Variants in DEFB1 observed in about 807,000 individuals in gnomAD.
DEFB1 encodes the protein beta-defensin 1.
In DEFB1, 4 loss-of-function variants were observed where a neutral mutation model predicts 2.6. The observed-to-expected ratio is 1.53, with a 90% CI of 0.76 to 3.51. The LOEUF is 3.51. Ranked by LOEUF, DEFB1 falls within the 30% of genes most tolerant of loss-of-function variation. The probability of loss-of-function intolerance (pLI) is 0.01; values close to 1 mark genes in which losing one functional copy is unlikely to be tolerated. For synonymous variants in DEFB1, 56 were observed against 28.5 expected (o/e 1.96, Z -3.07); for missense variants, 162 against 76.9 (o/e 2.11, Z -4.14).
At chr8:6,871,236 C>A (rs1362054323) in intron 1 of DEFB1, among the ~76,000 whole-genome samples, 1 of 152,240 alleles carries the variant, frequency 6.6e-6, no homozygotes, top group Non-Finnish European at 1.5e-5. Flanking sequence ...TCCTTCCATG[C>A]CTTCAGTTAC....
chr8:6,877,072 C>T (rs1045022904), intron 1 of DEFB1, among the ~76,000 whole-genome samples: 10 of 152,106 alleles, frequency 6.6e-5, no homozygotes, highest in African/African-American at 2.4e-4. Context: ...CTTCCCAGCC[C>T]CTCATTCTGC....
At chr8:6,870,906 A>G (rs766614195) in intron 1 of DEFB1, 80 bp from the exon 2 acceptor site, 6 of 1,442,798 alleles carry the variant, frequency 4.2e-6, no homozygotes, top group Non-Finnish European at 5.6e-6. Context: ...AAAGCAGAAC[A>G]AATAACTGCA....
intron 1 of DEFB1, among the ~76,000 whole-genome samples, chr8:6,873,060 G>A (rs1186593745): frequency 6.6e-6 from 1 of 152,190 alleles, no homozygotes; most frequent in Non-Finnish European, 1.5e-5. Context: ...TAATCAAATG[G>A]TTGGGTGTAT....
chr8:6,875,489 C>T (rs1806489869), intron 1 of DEFB1, among the ~76,000 whole-genome samples: 1 of 152,096 alleles, frequency 6.6e-6, no homozygotes, highest in Non-Finnish European at 1.5e-5. Context: ...AAAAATAACC[C>T]AGTTGCCTGT....
chr8:6,872,213 A>G (rs751350722), intron 1 of DEFB1, among the ~76,000 whole-genome samples: 1 of 152,018 alleles, frequency 6.6e-6, no homozygotes, highest in East Asian at 2.0e-4. Context: ...AGTCCCTTCA[A>G]TGTGTTCCGC....
chr8:6,870,680 C>G lies in DEFB1; in HGVS notation c.*1G>C. The G allele has an allele frequency of 6.2e-7, 1 of 1,613,228 alleles. No individual in the cohort carries two copies. Among genetic ancestry groups the G allele is most frequent in the Non-Finnish European group, 8.5e-7 (1 of 1,179,790 alleles). ...CGTCATTTCTTCTGGTCACTCCCAG[C>G]TCACTTGCAGCACTTGGCCTTCCCT... On this transcript the variant is annotated 3_prime_UTR_variant, in exon 2 of 2. Coordinates refer to ENST00000297439, the MANE Select transcript of DEFB1 (RefSeq NM_005218.4).
intron 1 of DEFB1, among the ~76,000 whole-genome samples, chr8:6,872,520 A>G (rs5743480): frequency 0.028 from 4,288 of 152,118 alleles, 107 homozygotes; most frequent in South Asian, 0.082. Flanking sequence ...ACTTAAACAC[A>G]TCCACAGGAG....
Position 6,870,743 on chromosome 8 carries a change from A to C in DEFB1, c.145T>G (p.Cys49Gly), listed in dbSNP as rs949725264. 1.2e-6 allele frequency: 2 copies of C among 1,614,240 alleles called. No individual in the cohort carries two copies. Among genetic ancestry groups the C allele is most frequent in the Admixed American group, 1.7e-5 (1 of 60,026 alleles). The change falls in exon 2 of 2, where the codon TGC becomes GGC. Residue 49 changes from cysteine to glycine, a missense_variant. Coordinates refer to ENST00000297439, the MANE Select transcript of DEFB1 (RefSeq NM_005218.4). ...CCTTGAATTTTGGTAAAGATCGGGC[A>C]GGCAGAATAGAGACATTGCCCTCCA... Reference protein sequence around the residue: ...SSGGQCLYSACPIFTKIQGTC... With the variant: ...SSGGQCLYSAGPIFTKIQGTC...
At chr8:6,876,103 A>G in intron 1 of DEFB1, among the ~76,000 whole-genome samples, 1 of 152,218 alleles carries the variant, frequency 6.6e-6, no homozygotes. Flanking sequence ...ACATATGCAC[A>G]CACCCCAAAC....
rs928541950 is a variant in DEFB1 at position 6,877,928 on chromosome 8, C to G, written c.-71G>C. 26 of 1,303,134 alleles carry G rather than the reference C, an allele frequency of 2.0e-5. No homozygotes were observed. The highest frequency in any genetic ancestry group is 2.7e-5 in the Non-Finnish European group (24 of 898,920). The allele number at this position is 1,303,134 out of a possible 1,614,324, so 80.7% of individuals were successfully genotyped here. On this transcript the variant is annotated 5_prime_UTR_variant, in exon 1 of 2. Transcript: ENST00000297439. ...CTGGCTCCTTTGGAGGCTGAGCTGACAGAGGCTTCCAGAGGCTGGAGCGTC... is the reference window on the plus strand; with the variant it reads ...CTGGCTCCTTTGGAGGCTGAGCTGAGAGAGGCTTCCAGAGGCTGGAGCGTC...
chr8:6,873,719 C>T (rs541279341), intron 1 of DEFB1, among the ~76,000 whole-genome samples: 1 of 146,710 alleles, frequency 6.8e-6, no homozygotes, highest in African/African-American at 2.5e-5. Flanking sequence ...CTGTGGGGTA[C>T]TATGCTCATT....
chr8:6,877,718 G>T, intron 1 of DEFB1, 79 bp downstream of exon 1: 1 of 1,301,184 alleles, frequency 7.7e-7, no homozygotes, highest in Non-Finnish European at 1.1e-6. Flanking sequence ...GGGACACGGA[G>T]GCAGCCATCC....
At chr8:6,873,109 G>C (rs917234230) in intron 1 of DEFB1, among the ~76,000 whole-genome samples, 1 of 152,198 alleles carries the variant, frequency 6.6e-6, no homozygotes, top group South Asian at 2.1e-4. Flanking sequence ...ATTTAATATG[G>C]ATGTAGCTTT....
chr8:6,875,521 A>G (rs1806491766), intron 1 of DEFB1, among the ~76,000 whole-genome samples: 1 of 152,226 alleles, frequency 6.6e-6, no homozygotes. Context: ...AAAGGGCCCA[A>G]CTTATTATTT....
At chr8:6,873,626 T>C (rs1806404988) in intron 1 of DEFB1, among the ~76,000 whole-genome samples, 1 of 152,182 alleles carries the variant, frequency 6.6e-6, no homozygotes, top group South Asian at 2.1e-4. Flanking sequence ...GTACCACATG[T>C]TCTCAGTTAT....
intron 1 of DEFB1, among the ~76,000 whole-genome samples, chr8:6,875,159 G>C (rs976675777): frequency 4.0e-5 from 6 of 150,594 alleles, no homozygotes; most frequent in Non-Finnish European, 5.9e-5. Flanking sequence ...AAAAGGATAA[G>C]CTTTTAGAAG....
rs754392649 is a variant in DEFB1 at position 6,870,679 on chromosome 8, G to C, written c.*2C>G. 3.1e-6 allele frequency: 5 copies of C among 1,613,214 alleles called. No individual in the cohort carries two copies. In the South Asian group the frequency reaches 4.4e-5, roughly 14 times the overall value. ...GCGTCATTTCTTCTGGTCACTCCCAGCTCACTTGCAGCACTTGGCCTTCCC... is the reference window on the plus strand; with the variant it reads ...GCGTCATTTCTTCTGGTCACTCCCACCTCACTTGCAGCACTTGGCCTTCCC... On this transcript the variant is annotated 3_prime_UTR_variant, in exon 2 of 2. Transcript: ENST00000297439.
At chr8:6,876,856 A>C (rs1430677797) in intron 1 of DEFB1, among the ~76,000 whole-genome samples, 5 of 114,442 alleles carry the variant, frequency 4.4e-5, no homozygotes, top group South Asian at 2.8e-4. Flanking sequence ...AAAAAAAAAA[A>C]CAAAAAAACA....
chr8:6,872,005 C>T (rs962162838), intron 1 of DEFB1, among the ~76,000 whole-genome samples: 5 of 152,130 alleles, frequency 3.3e-5, no homozygotes, highest in East Asian at 3.9e-4. Context: ...GCTTTCACAC[C>T]GATGGAAATT....
Sources: allele counts gnomAD v4.1 joint callset (sites outside exome capture counted in the v4.1 genomes callset), GRCh38; gene constraint gnomAD v4.1.1; transcripts MANE v1.5; gene names NCBI Gene and HGNC (gene_info 2026-07-23, HGNC 2026-07-21).